The following TTC28 variants were observed in gnomAD, a reference collection of about 807,000 sequenced individuals.
The protein encoded by TTC28 is tetratricopeptide repeat protein 28.
TTC28 carries 61 observed loss-of-function variants against 198.0 expected under a neutral mutation model. That is an observed-to-expected ratio of 0.31 (90% CI 0.25 to 0.38). The LOEUF (loss-of-function observed/expected upper bound fraction) is 0.38, where lower values mean the gene tolerates loss of function less well. TTC28 is among the 10% of genes least tolerant of loss of function. The pLI, the probability that TTC28 is intolerant of heterozygous loss-of-function variation, is 1.00. For synonymous variants in TTC28, 1,171 were observed against 1,297.8 expected, an observed-to-expected ratio of 0.90 and a Z score of 2.10; for missense variants, 2,678 against 3,164.0, an observed-to-expected ratio of 0.85 and a Z score of 3.69.
chr22:28,280,492 C>T (rs1309884695), intron 5 of TTC28, among the ~76,000 whole-genome samples: 1 of 152,174 alleles, frequency 6.6e-6, no homozygotes, highest in Non-Finnish European at 1.5e-5. Flanking sequence ...GTATGCACCA[C>T]CATGCCTGGC....
At chr22:28,350,921 G>A (rs2045985590) in intron 2 of TTC28, among the ~76,000 whole-genome samples, 1 of 152,066 alleles carries the variant, frequency 6.6e-6, no homozygotes, top group Non-Finnish European at 1.5e-5. Flanking sequence ...AGTGGCTGAC[G>A]CCTGTAATCC....
intron 1 of TTC28, among the ~76,000 whole-genome samples, chr22:28,670,375 C>CT (rs2051859642): frequency 6.6e-6 from 1 of 152,148 alleles, no homozygotes; most frequent in South Asian, 2.1e-4. Context: ...CACTAATCTT[C>CT]TTTCCCTCTC....
chr22:28,549,845 A>G (rs1275532367), intron 2 of TTC28, among the ~76,000 whole-genome samples: 1 of 152,202 alleles, frequency 6.6e-6, no homozygotes, highest in South Asian at 2.1e-4. Context: ...TTTTTCTTCA[A>G]TCTAAAGATT....
intron 10 of TTC28, 37 bp downstream of exon 10, chr22:28,098,878 G>A (rs1942051806): frequency 1.3e-6 from 2 of 1,549,114 alleles, no homozygotes; most frequent in East Asian, 2.4e-5. Flanking sequence ...GCGCACTAGT[G>A]CACACGTAAG....
At chr22:28,115,369 T>C (rs1322193998) in intron 6 of TTC28, among the ~76,000 whole-genome samples, 1 of 152,180 alleles carries the variant, frequency 6.6e-6, no homozygotes, top group Non-Finnish European at 1.5e-5. Context: ...GGAAATGTCG[T>C]CCAGTAAAAG....
In TTC28 at chr22:28,355,344, T is replaced by A. The variant is rs1429500296; in HGVS notation, c.382-48701A>T. Reference sequence around the variant, plus strand: ...ACGGAAAGCTTTATTTCGGTGTTAATCCCATCTAGCATATTTTACAAGTTT... The same window carrying A: ...ACGGAAAGCTTTATTTCGGTGTTAAACCCATCTAGCATATTTTACAAGTTT... On this transcript the variant is annotated intron_variant, in intron 2 of 22. Coordinates refer to ENST00000397906, the MANE Select transcript of TTC28 (RefSeq NM_001145418.2). 3.9e-5 allele frequency among the ~76,000 whole-genome samples: 6 copies of A among 152,188 alleles called. No homozygotes were observed. In the South Asian group the frequency reaches 1.2e-3, roughly 32 times the overall value.
chr22:28,645,853 C>CAG (rs2051456796), intron 1 of TTC28, among the ~76,000 whole-genome samples: 1 of 152,078 alleles, frequency 6.6e-6, no homozygotes, highest in Admixed American at 6.6e-5. Flanking sequence ...ACCTCCACCT[C>CAG]CTGGTTCAAG....
intron 6 of TTC28, among the ~76,000 whole-genome samples, chr22:28,110,132 A>C (rs1273633442): frequency 6.6e-6 from 1 of 152,176 alleles, no homozygotes; most frequent in African/African-American, 2.4e-5. Flanking sequence ...ATCAAGGCTG[A>C]AGTCAGGGCA....
At chr22:28,499,325 G>C (rs1426701756) in intron 2 of TTC28, among the ~76,000 whole-genome samples, 1 of 152,022 alleles carries the variant, frequency 6.6e-6, no homozygotes, top group African/African-American at 2.4e-5. Flanking sequence ...AAAAGAAAAA[G>C]TAAACTTTGC....
At chr22:28,263,649 T>C (rs749766822) in intron 5 of TTC28, among the ~76,000 whole-genome samples, 4 of 152,148 alleles carry the variant, frequency 2.6e-5, no homozygotes, top group Non-Finnish European at 4.4e-5. Flanking sequence ...TAGTATAGTA[T>C]TGTGCATTTT....
At chr22:28,467,517 C>T (rs1011846397) in intron 2 of TTC28, among the ~76,000 whole-genome samples, 1 of 152,114 alleles carries the variant, frequency 6.6e-6, no homozygotes, top group Non-Finnish European at 1.5e-5. Context: ...TCATGTGAGC[C>T]TATTCAGTGA....
At chr22:28,000,279 A>G (rs910147267) in intron 15 of TTC28, 2 of 152,174 alleles carry the variant, frequency 1.3e-5, no homozygotes, top group African/African-American at 4.8e-5. Flanking sequence ...CAGATCTACA[A>G]AAGCCTGTCA....
chr22:28,647,364 C>A (rs1410349926), intron 1 of TTC28, among the ~76,000 whole-genome samples: 2 of 152,044 alleles, frequency 1.3e-5, no homozygotes, highest in African/African-American at 4.8e-5. Context: ...GCAAAAGCAA[C>A]AAAGACAAAA....
intron 21 of TTC28, among the ~76,000 whole-genome samples, chr22:27,987,638 T>C (rs571646874): frequency 2.0e-5 from 3 of 151,996 alleles, no homozygotes; most frequent in Non-Finnish European, 2.9e-5. Context: ...GAGGTGGAGA[T>C]TGCAGTGAGC....
chr22:28,425,830 C>T (rs547837617), intron 2 of TTC28, among the ~76,000 whole-genome samples: 412 of 152,208 alleles, frequency 2.7e-3, no homozygotes, highest in Non-Finnish European at 4.7e-3. Context: ...CAATAGGGCC[C>T]AACAATATCT....
intron 2 of TTC28, among the ~76,000 whole-genome samples, chr22:28,318,320 CT>C (rs1045414311): frequency 1.3e-5 from 2 of 152,028 alleles, no homozygotes; most frequent in African/African-American, 2.4e-5. Flanking sequence ...TAAGAGTTCC[CT>C]TTTTTGCTTC....
At chr22:28,189,756 C>A (rs928828135) in intron 5 of TTC28, among the ~76,000 whole-genome samples, 1 of 151,974 alleles carries the variant, frequency 6.6e-6, no homozygotes, top group Non-Finnish European at 1.5e-5. Context: ...CCTAGCCAAA[C>A]TACCAATCAA....
chr22:28,458,592 C>T (rs960190570), intron 2 of TTC28, among the ~76,000 whole-genome samples: 1 of 151,918 alleles, frequency 6.6e-6, no homozygotes, highest in Non-Finnish European at 1.5e-5. Context: ...AAAATATTTA[C>T]CAAAATAGGC....
At chr22:28,433,637 AAATATGTATT>A (rs2047469340) in intron 2 of TTC28, among the ~76,000 whole-genome samples, 1 of 152,220 alleles carries the variant, frequency 6.6e-6, no homozygotes, top group African/African-American at 2.4e-5. Flanking sequence ...GTTAATATTT[AAATATGTATT>A]AATTATGTAT....
Sources: gnomAD v4.1 joint callset for allele counts (sites outside exome capture counted in the v4.1 genomes callset) on GRCh38, gnomAD v4.1.1 for gene constraint, MANE v1.5 for transcripts, NCBI Gene and HGNC (gene_info 2026-07-23, HGNC 2026-07-21) for gene names.